Variants in GRM7 observed in about 807,000 individuals in gnomAD.
GRM7 encodes the protein metabotropic glutamate receptor 7.
Under a neutral mutation model 84.5 loss-of-function variants are expected in GRM7, and 35 were observed. The ratio of observed to expected loss-of-function variants is 0.41; its 90% CI spans 0.32 to 0.55. GRM7 has a LOEUF of 0.55. Among genes scored for constraint, GRM7 ranks in the 20% least tolerant of loss-of-function variants. The pLI, the probability that GRM7 is intolerant of heterozygous loss-of-function variation, is 0.19. For synonymous variants in GRM7, 487 were observed against 455.1 expected (o/e 1.07, Z -0.89); for missense variants, 1,003 against 1,194.6 (o/e 0.84, Z 2.36).
At chr3:7,640,379 T>C (rs1278625004) in intron 8 of GRM7, among the ~76,000 whole-genome samples, 2 of 152,190 alleles carry the variant, frequency 1.3e-5, no homozygotes, top group Non-Finnish European at 2.9e-5. Context: ...TGAGAATTAA[T>C]AGCAAAGGCT....
chr3:7,710,477 C>T (rs1179563700), intron 9 of GRM7, among the ~76,000 whole-genome samples: 2 of 141,828 alleles, frequency 1.4e-5, no homozygotes, highest in African/African-American at 5.3e-5. Context: ...CACTCACATT[C>T]CTGGAACCTT....
chr3:7,320,744 G>A (rs1700749171), intron 4 of GRM7, among the ~76,000 whole-genome samples: 1 of 147,226 alleles, frequency 6.8e-6, no homozygotes, highest in African/African-American at 2.5e-5. Flanking sequence ...CCAACATAAT[G>A]TTTTGGAAAT....
At chr3:7,066,848 G>A (rs1001046377) in intron 1 of GRM7, among the ~76,000 whole-genome samples, 2 of 151,972 alleles carry the variant, frequency 1.3e-5, no homozygotes, top group East Asian at 3.9e-4. Context: ...TTCATACCAG[G>A]GATGCAGGGA....
At chr3:7,081,343 A>G (rs1404635677) in intron 1 of GRM7, among the ~76,000 whole-genome samples, 1 of 152,094 alleles carries the variant, frequency 6.6e-6, no homozygotes, top group South Asian at 2.1e-4. Context: ...TATACCTGTT[A>G]GGATTATCTG....
intron 7 of GRM7, among the ~76,000 whole-genome samples, chr3:7,494,637 T>C (rs896167743): frequency 6.6e-6 from 1 of 152,140 alleles, no homozygotes; most frequent in African/African-American, 2.4e-5. Flanking sequence ...CTCTCTTCGT[T>C]TTTATCAGTC....
chr3:7,334,833 A>G (rs529340271), intron 4 of GRM7, among the ~76,000 whole-genome samples: 1 of 152,294 alleles, frequency 6.6e-6, no homozygotes, highest in Admixed American at 6.5e-5. Context: ...AACATTATTT[A>G]ATGATAAAAG....
At position 7,061,871 on chromosome 3, in the gene GRM7, T is replaced by G. The variant is rs138996392; in HGVS notation, c.520-84581T>G. Among the ~76,000 whole-genome samples, 9 of 151,882 alleles carry G rather than the reference T, an allele frequency of 5.9e-5. No homozygotes were observed. In the East Asian group the frequency reaches 1.8e-3, roughly 30 times the overall value. On this transcript the variant is annotated intron_variant, in intron 1 of 9. Transcript: ENST00000357716. Reference sequence around the variant, plus strand: ...TTGTCCAACTAAGAGTAGATATAAGTGCTGGGATTTGAACCAGGTCTTTAA... The same window carrying G: ...TTGTCCAACTAAGAGTAGATATAAGGGCTGGGATTTGAACCAGGTCTTTAA...
chr3:6,937,838 C>T (rs1411005013), intron 1 of GRM7, among the ~76,000 whole-genome samples: 1 of 152,182 alleles, frequency 6.6e-6, no homozygotes, highest in East Asian at 1.9e-4. Flanking sequence ...TTGTTGTGGT[C>T]ATGATCATTA....
At chr3:7,133,038 G>A (rs1027299921) in intron 1 of GRM7, among the ~76,000 whole-genome samples, 1 of 151,978 alleles carries the variant, frequency 6.6e-6, no homozygotes, top group Non-Finnish European at 1.5e-5. Context: ...TCCTGGAAAA[G>A]TATCTTTTCA....
intron 1 of GRM7, among the ~76,000 whole-genome samples, chr3:7,015,012 C>A (rs558789411): frequency 6.6e-6 from 1 of 152,238 alleles, no homozygotes; most frequent in South Asian, 2.1e-4. Flanking sequence ...ATGGACCAAT[C>A]AGCACTCTGT....
At chr3:7,516,507 AAATAGT>A (rs1700395910) in intron 7 of GRM7, among the ~76,000 whole-genome samples, 4 of 108,832 alleles carry the variant, frequency 3.7e-5, no homozygotes, top group Non-Finnish European at 6.5e-5. Flanking sequence ...AAAAAAAAAG[AAATAGT>A]TAGTTCATTA....
chr3:7,220,469 C>A (rs1696763309), intron 2 of GRM7, among the ~76,000 whole-genome samples: 1 of 152,118 alleles, frequency 6.6e-6, no homozygotes, highest in Admixed American at 6.5e-5. Context: ...CTGGCCAGTA[C>A]TCCTCAAAGC....
At chr3:7,343,944 A>T (rs17047180) in intron 4 of GRM7, among the ~76,000 whole-genome samples, 6,337 of 152,238 alleles carry the variant, frequency 0.042, 295 homozygotes, top group African/African-American at 0.12. Context: ...TGGTGCCTGG[A>T]TGTAGCGGCT....
intron 4 of GRM7, among the ~76,000 whole-genome samples, chr3:7,344,193 G>C (rs1298735268): frequency 6.6e-6 from 1 of 151,894 alleles, no homozygotes; most frequent in African/African-American, 2.4e-5. Flanking sequence ...CATCACCAGG[G>C]TACTAAGCCT....
chr3:7,295,469 C>A (rs1699780843), intron 2 of GRM7, among the ~76,000 whole-genome samples: 1 of 152,006 alleles, frequency 6.6e-6, no homozygotes. Context: ...TGACTATTTC[C>A]TTTACCTTTC....
At chr3:7,528,850 C>A (rs1700914041) in intron 7 of GRM7, among the ~76,000 whole-genome samples, 1 of 151,854 alleles carries the variant, frequency 6.6e-6, no homozygotes, top group Admixed American at 6.6e-5. Context: ...GTATTGATTT[C>A]TATTTTTATT....
intron 2 of GRM7, among the ~76,000 whole-genome samples, chr3:7,160,748 T>C (rs930002130): frequency 4.6e-5 from 7 of 152,196 alleles, no homozygotes; most frequent in African/African-American, 1.4e-4. Flanking sequence ...GTACTGGATC[T>C]GGGATGGTCC....
rs377529051 is a variant in GRM7, at chr3:7,131,678, C to G, written c.520-14774C>G. Among the ~76,000 whole-genome samples the G allele has an allele frequency of 5.7e-3, 866 of 151,306 alleles. 10 individuals are homozygous for G. The highest frequency in any genetic ancestry group is 0.02 in the African/African-American group (833 of 41,112). Reference sequence around the variant, plus strand: ...ATTTTTAGTAGAGATGGGGTTTCACCATGTTGGCCAGGATGGACTCGATCT... The same window carrying G: ...ATTTTTAGTAGAGATGGGGTTTCACGATGTTGGCCAGGATGGACTCGATCT... On this transcript the variant is annotated intron_variant, in intron 1 of 9. Coordinates refer to ENST00000357716, the MANE Select transcript of GRM7 (RefSeq NM_000844.4).
chr3:7,329,293 C>T (rs993394430), intron 4 of GRM7, among the ~76,000 whole-genome samples: 1 of 152,158 alleles, frequency 6.6e-6, no homozygotes, highest in Non-Finnish European at 1.5e-5. Context: ...GGAAACTGTT[C>T]CATCCATCAT....
Sources: allele counts gnomAD v4.1 joint callset (sites outside exome capture counted in the v4.1 genomes callset), GRCh38; gene constraint gnomAD v4.1.1; transcripts MANE v1.5; gene names NCBI Gene and HGNC (gene_info 2026-07-23, HGNC 2026-07-21).